The following PDE1C variants were observed in gnomAD, a reference collection of about 807,000 sequenced individuals.
PDE1C encodes the protein dual specificity calcium/calmodulin-dependent 3',5'-cyclic nucleotide phosphodiesterase 1C.
A neutral mutation model predicts 93.1 loss-of-function variants in PDE1C; 62 were observed. That is an observed-to-expected ratio of 0.67 (90% CI 0.54 to 0.82). PDE1C has a LOEUF of 0.82. Among genes scored for constraint, PDE1C ranks in the 40% least tolerant of loss-of-function variants. The probability of loss-of-function intolerance (pLI) is 0.00; values close to 1 mark genes in which losing one functional copy is unlikely to be tolerated. For synonymous variants in PDE1C, 325 were observed against 310.1 expected, an observed-to-expected ratio of 1.05 and a Z score of -0.50; for missense variants, 742 against 884.6, an observed-to-expected ratio of 0.84 and a Z score of 2.04.
intron 6 of PDE1C, among the ~76,000 whole-genome samples, chr7:31,867,967 A>G (rs950933820): frequency 6.6e-6 from 1 of 152,234 alleles, no homozygotes; most frequent in Admixed American, 6.5e-5. Flanking sequence ...TCATACAAAG[A>G]CTGCACTACT....
chr7:31,895,776 C>T (rs777613513), intron 2 of PDE1C, among the ~76,000 whole-genome samples: 1 of 152,044 alleles, frequency 6.6e-6, no homozygotes, highest in African/African-American at 2.4e-5. Flanking sequence ...CTCATGAACA[C>T]CGATGATTTT....
rs745768483 is a variant in PDE1C, at chr7:31,753,461, C to T, written c.2053G>A (p.Ala685Thr). The T allele has an allele frequency of 1.9e-5, 31 of 1,612,382 alleles. No homozygotes were observed. The highest frequency in any genetic ancestry group is 2.2e-5 in the Non-Finnish European group (26 of 1,179,724). ...SVSKKTDEHP[A>T]RYKMLDQRIK... ...CTCTGATCCAGCATCTTGTACCTTG[C>T]AGGATGCTCATCAGTTTTCTTTGAG... Residue 685 changes from alanine to threonine, a missense_variant, in exon 18 of 18, where the codon GCA (alanine) becomes ACA (threonine). Transcript: ENST00000396191.
At chr7:32,199,870 C>T (rs986032735) in intron 2 of PDE1C, among the ~76,000 whole-genome samples, 1 of 152,166 alleles carries the variant, frequency 6.6e-6, no homozygotes, top group African/African-American at 2.4e-5. Flanking sequence ...TCTGACCTCA[C>T]ATGACAGGTT....
intron 1 of PDE1C, among the ~76,000 whole-genome samples, chr7:32,262,005 AT>A (rs11325736): frequency 0.43 from 38,702 of 89,310 alleles, 9,252 homozygotes; most frequent in Admixed American, 0.55. Context: ...TTGCTTTGGG[AT>A]TTTTTTTTTT....
At chr7:32,065,928 A>G (rs551081971) in intron 1 of PDE1C, among the ~76,000 whole-genome samples, 1 of 152,330 alleles carries the variant, frequency 6.6e-6, no homozygotes, top group South Asian at 2.1e-4. Flanking sequence ...CAGCTGACAG[A>G]ACTGGAGACA....
At chr7:32,387,996 C>G (rs1784675034) in intron 1 of PDE1C, among the ~76,000 whole-genome samples, 1 of 152,186 alleles carries the variant, frequency 6.6e-6, no homozygotes, top group African/African-American at 2.4e-5. Context: ...TATAAATGAC[C>G]ATCGTATATT....
chr7:31,809,142 A>G (rs1235969338), intron 15 of PDE1C, 34 bp from the exon 16 acceptor site: 1 of 1,198,372 alleles, frequency 8.3e-7, no homozygotes, highest in East Asian at 2.3e-5. Context: ...CAGTATATGT[A>G]TGCAGCTGAG....
chr7:32,051,432 G>A (rs990809636), intron 2 of PDE1C, 122 bp downstream of exon 2: 14 of 914,846 alleles, frequency 1.5e-5, no homozygotes, highest in Non-Finnish European at 2.5e-5. Context: ...GATAAAGCAC[G>A]CAACATGCTG....
At chr7:31,883,173 C>T (rs1208249177) in intron 2 of PDE1C, among the ~76,000 whole-genome samples, 1 of 152,184 alleles carries the variant, frequency 6.6e-6, no homozygotes, top group Non-Finnish European at 1.5e-5. Flanking sequence ...ATATCTACAT[C>T]TACAGAGTTA....
chr7:31,847,885 T>C, intron 9 of PDE1C, 83 bp downstream of exon 9: 1 of 1,427,570 alleles, frequency 7.0e-7, no homozygotes, highest in Non-Finnish European at 9.8e-7. Flanking sequence ...AAGCAAGGTG[T>C]TCTTTTCTCA....
intron 1 of PDE1C, among the ~76,000 whole-genome samples, chr7:32,387,016 C>T (rs1340536517): frequency 4.0e-5 from 6 of 150,930 alleles, no homozygotes; most frequent in African/African-American, 4.9e-5. Flanking sequence ...GGCAGAGGAC[C>T]CTGCGGCCTT....
At chr7:31,738,989 C>G in the PDE1C span, among the ~76,000 whole-genome samples, 1 of 151,474 alleles carries the variant, frequency 6.6e-6, no homozygotes. Flanking sequence ...GACTTCATTC[C>G]CCTTCCCCCA....
chr7:32,311,684 G>A (rs1585102784), intron 1 of PDE1C, among the ~76,000 whole-genome samples: 1 of 152,094 alleles, frequency 6.6e-6, no homozygotes, highest in East Asian at 1.9e-4. Context: ...TGCAGAAAAG[G>A]CCTTTGACAA....
At chr7:31,948,502 T>G (rs1404167278) in intron 2 of PDE1C, among the ~76,000 whole-genome samples, 1 of 152,238 alleles carries the variant, frequency 6.6e-6, no homozygotes, top group Non-Finnish European at 1.5e-5. Flanking sequence ...ATTCACATTT[T>G]TATACTCACT....
At chr7:31,677,392 C>A in the PDE1C span, among the ~76,000 whole-genome samples, 3 of 152,120 alleles carry the variant, frequency 2.0e-5, no homozygotes, top group Admixed American at 1.3e-4. Flanking sequence ...ACTATCCATG[C>A]AAATACCTTA....
intron 1 of PDE1C, among the ~76,000 whole-genome samples, chr7:32,408,810 T>A (rs909516918): frequency 1.3e-5 from 2 of 151,650 alleles, no homozygotes; most frequent in Admixed American, 6.6e-5. Context: ...AAATAAATTT[T>A]AAAAAAGAGG....
downstream of PDE1C, among the ~76,000 whole-genome samples, chr7:31,750,780 G>A (rs1794107178): frequency 6.6e-6 from 1 of 152,208 alleles, no homozygotes; most frequent in Admixed American, 6.5e-5. Context: ...CGCCCAGGCT[G>A]GAATGCAGCG....
the PDE1C span, among the ~76,000 whole-genome samples, chr7:31,619,754 C>T: frequency 2.1e-4 from 32 of 152,196 alleles, no homozygotes; most frequent in Middle Eastern, 0.01. Context: ...AGACAGTGGG[C>T]GCAGGTCAGT....
intron 2 of PDE1C, among the ~76,000 whole-genome samples, chr7:32,030,503 A>T (rs1790170594): frequency 6.6e-6 from 1 of 152,088 alleles, no homozygotes; most frequent in Non-Finnish European, 1.5e-5. Context: ...CTTCTCATGA[A>T]AAACTGAAGA....
Sources: gnomAD v4.1 joint callset for allele counts (sites outside exome capture counted in the v4.1 genomes callset) on GRCh38, gnomAD v4.1.1 for gene constraint, MANE v1.5 for transcripts, NCBI Gene and HGNC (gene_info 2026-07-23, HGNC 2026-07-21) for gene names.